Variants in RFC3 observed in about 807,000 individuals in gnomAD.
RFC3 encodes the protein A1 38 kDa subunit.
Under a neutral mutation model 45.1 loss-of-function variants are expected in RFC3, and 41 were observed. That is an observed-to-expected ratio of 0.91 (90% CI 0.71 to 1.18). The LOEUF (loss-of-function observed/expected upper bound fraction) is 1.18. Among genes scored for constraint, RFC3 ranks in the 50% most tolerant of loss-of-function variants. The probability of loss-of-function intolerance (pLI) is 0.00; values close to 1 mark genes in which losing one functional copy is unlikely to be tolerated. For synonymous variants in RFC3, 149 were observed against 144.0 expected (o/e 1.03, Z -0.25); for missense variants, 423 against 428.1 (o/e 0.99, Z 0.10).
At chr13:33,947,260 C>T (rs755788125) in intron 8 of RFC3, among the ~76,000 whole-genome samples, 14 of 152,196 alleles carry the variant, frequency 9.2e-5, no homozygotes, top group Non-Finnish European at 1.6e-4. Flanking sequence ...GAGTGAGTCT[C>T]ATGAGATCTG....
intron 8 of RFC3, among the ~76,000 whole-genome samples, chr13:33,888,752 T>A (rs1052486265): frequency 1.3e-5 from 2 of 151,788 alleles, no homozygotes; most frequent in South Asian, 2.1e-4. Context: ...AAAATCTTTT[T>A]TTTTTTTTTT....
intron 8 of RFC3, among the ~76,000 whole-genome samples, chr13:33,876,863 A>G (rs1419980610): frequency 6.6e-6 from 1 of 152,168 alleles, no homozygotes; most frequent in African/African-American, 2.4e-5. Context: ...GTTCTCTCTG[A>G]GCTCCCAAAT....
At chr13:33,938,587 C>T (rs1329181061) in intron 8 of RFC3, among the ~76,000 whole-genome samples, 1 of 152,096 alleles carries the variant, frequency 6.6e-6, no homozygotes, top group Non-Finnish European at 1.5e-5. Context: ...TATTTTGCTT[C>T]TGTTTTTCTC....
intron 8 of RFC3, among the ~76,000 whole-genome samples, chr13:33,884,117 G>A (rs1183610491): frequency 6.6e-6 from 1 of 152,132 alleles, no homozygotes; most frequent in Non-Finnish European, 1.5e-5. Context: ...TGATCAAAAT[G>A]TACTGAACCA....
chr13:33,970,352 C>A (rs772842542), downstream of RFC3, among the ~76,000 whole-genome samples: 1 of 152,056 alleles, frequency 6.6e-6, no homozygotes, highest in African/African-American at 2.4e-5. Flanking sequence ...GCATTTGGGT[C>A]GATTCCATGT....
At chr13:33,949,335 C>T (rs1326433511) in intron 8 of RFC3, among the ~76,000 whole-genome samples, 3 of 152,154 alleles carry the variant, frequency 2.0e-5, no homozygotes, top group Admixed American at 6.5e-5. Context: ...AACTGTGAGT[C>T]AATTAAACCT....
At chr13:33,837,500 AC>A, downstream of RFC3, 1 of 152,278 alleles carries the variant, frequency 6.6e-6, no homozygotes. Context: ...GTGAATACTT[AC>A]GTGTAAGTCT....
chr13:33,938,044 C>T (rs2082898523), intron 8 of RFC3, among the ~76,000 whole-genome samples: 1 of 152,028 alleles, frequency 6.6e-6, no homozygotes, highest in East Asian at 1.9e-4. Context: ...TTTCTGTTAC[C>T]TGACTTAGTT....
At chr13:33,947,020 T>G (rs1005425482) in intron 8 of RFC3, among the ~76,000 whole-genome samples, 7 of 152,252 alleles carry the variant, frequency 4.6e-5, no homozygotes, top group African/African-American at 1.4e-4. Flanking sequence ...GTGTTCATTT[T>G]ATGATGTCTT....
intron 8 of RFC3, among the ~76,000 whole-genome samples, chr13:33,936,022 C>T (rs1451055597): frequency 6.6e-6 from 1 of 152,140 alleles, no homozygotes; most frequent in African/African-American, 2.4e-5. Flanking sequence ...GTCTCATCTT[C>T]CCCTTATGAG....
intron 8 of RFC3, among the ~76,000 whole-genome samples, chr13:33,950,981 C>T (rs1269735992): frequency 6.6e-6 from 1 of 150,540 alleles, no homozygotes; most frequent in Non-Finnish European, 1.5e-5. Context: ...CAACTTCTAC[C>T]TGTGGCTGCC....
intron 8 of RFC3, among the ~76,000 whole-genome samples, chr13:33,909,817 G>A (rs928364680): frequency 6.6e-6 from 1 of 152,050 alleles, no homozygotes; most frequent in Non-Finnish European, 1.5e-5. Flanking sequence ...CATCTCGTAG[G>A]AAAGATTGTT....
intron 8 of RFC3, among the ~76,000 whole-genome samples, chr13:33,891,912 T>TTAA (rs2082566143): frequency 6.6e-6 from 1 of 151,964 alleles, no homozygotes; most frequent in South Asian, 2.1e-4. Context: ...GCAAGGAAAA[T>TTAA]TAACGAGACA....
At chr13:33,882,190 A>G in intron 8 of RFC3, among the ~76,000 whole-genome samples, 1 of 152,230 alleles carries the variant, frequency 6.6e-6, no homozygotes, top group South Asian at 2.1e-4. Flanking sequence ...TGCATTATCA[A>G]AACCTGAAAA....
intron 8 of RFC3, among the ~76,000 whole-genome samples, chr13:33,951,233 A>ATTTTTTTTTTTTTTTTTTTTTTTTTT (rs11336021): frequency 7.5e-6 from 1 of 134,158 alleles, no homozygotes; most frequent in African/African-American, 2.7e-5. Context: ...CTATAAGTAC[A>ATTTTTTTTTTTTTTTTTTTTTTTTTT]TTTTTTTTTT....
chr13:33,902,134 A>G (rs1042475068), intron 8 of RFC3, among the ~76,000 whole-genome samples: 20 of 152,078 alleles, frequency 1.3e-4, no homozygotes, highest in African/African-American at 4.6e-4. Context: ...AGACAGGGTG[A>G]CGTGGGTGAA....
chr13:33,932,214 C>T (rs1054241145), intron 8 of RFC3, among the ~76,000 whole-genome samples: 13 of 152,008 alleles, frequency 8.6e-5, no homozygotes, highest in African/African-American at 1.9e-4. Context: ...TTTTAATTGT[C>T]GTAGCTAAAG....
At chr13:33,922,552 CT>C (rs561245386) in intron 8 of RFC3, among the ~76,000 whole-genome samples, 1 of 151,688 alleles carries the variant, frequency 6.6e-6, no homozygotes, top group Non-Finnish European at 1.5e-5. Context: ...TTAAAATGGT[CT>C]TTTTTTGGGC....
chr13:33,826,857 G>T (rs1467408576), intron 4 of RFC3, among the ~76,000 whole-genome samples: 1 of 151,986 alleles, frequency 6.6e-6, no homozygotes, highest in Admixed American at 6.6e-5. Flanking sequence ...CCCTCCAATA[G>T]TGTGGTTAAT....
Sources: allele counts gnomAD v4.1 joint callset (sites outside exome capture counted in the v4.1 genomes callset), GRCh38; gene constraint gnomAD v4.1.1; transcripts MANE v1.5; gene names NCBI Gene and HGNC (gene_info 2026-07-23, HGNC 2026-07-21).